Variants in SLC24A2 observed in about 807,000 individuals in gnomAD.
SLC24A2 encodes solute carrier family 24 member 2, also known as sodium/potassium/calcium exchanger 2.
SLC24A2 carries 36 observed loss-of-function variants against 62.0 expected under a neutral mutation model. The observed-to-expected ratio is 0.58, with a 90% confidence interval of 0.44 to 0.77. The LOEUF is 0.77. Ranked by LOEUF, SLC24A2 falls within the 30% of genes least tolerant of loss-of-function variation. SLC24A2 has a pLI of 0.00. For missense variants in SLC24A2, 846 were observed against 817.9 expected (o/e 1.03, Z -0.42); for synonymous variants, 358 against 294.0 (o/e 1.22, Z -2.23).
At chr9:20,228,629 G>C in the SLC24A2 span, among the ~76,000 whole-genome samples, 17,070 of 152,144 alleles carry the variant, frequency 0.11, 1,120 homozygotes, top group Middle Eastern at 0.17. Flanking sequence ...GAGAGAAGAA[G>C]GGTGAACGCC....
chr9:19,663,610 G>C (rs1167972991), intron 2 of SLC24A2, among the ~76,000 whole-genome samples: 2 of 152,162 alleles, frequency 1.3e-5, no homozygotes, highest in Admixed American at 6.5e-5. Context: ...GGCTGTCAGA[G>C]AGCAGGGGTC....
chr9:20,160,741 T>C, the SLC24A2 span, among the ~76,000 whole-genome samples: 1 of 151,142 alleles, frequency 6.6e-6, no homozygotes, highest in Non-Finnish European at 1.5e-5. Context: ...TTAGAATCTA[T>C]GGGATACATT....
At chr9:20,006,187 T>C in the SLC24A2 span, among the ~76,000 whole-genome samples, 4 of 151,646 alleles carry the variant, frequency 2.6e-5, no homozygotes, top group African/African-American at 7.2e-5. Context: ...AATATGTAAT[T>C]AAATTTAAAA....
the SLC24A2 span, among the ~76,000 whole-genome samples, chr9:20,067,960 G>A: frequency 6.6e-6 from 1 of 151,402 alleles, no homozygotes; most frequent in Non-Finnish European, 1.5e-5. Context: ...TTTTCAAACT[G>A]CTTTCCACAG....
the SLC24A2 span, among the ~76,000 whole-genome samples, chr9:20,232,712 G>A: frequency 6.6e-6 from 1 of 152,092 alleles, no homozygotes; most frequent in Non-Finnish European, 1.5e-5. Flanking sequence ...ATTTTTTGAA[G>A]GGTTTTTTGT....
At chr9:20,136,329 G>A in the SLC24A2 span, among the ~76,000 whole-genome samples, 1 of 152,146 alleles carries the variant, frequency 6.6e-6, no homozygotes, top group East Asian at 1.9e-4. Flanking sequence ...TGAGTACTAA[G>A]AGGATTCAAG....
At chr9:19,833,381 T>C in the SLC24A2 span, among the ~76,000 whole-genome samples, 1 of 152,180 alleles carries the variant, frequency 6.6e-6, no homozygotes, top group Non-Finnish European at 1.5e-5. Context: ...CCCACCCTAA[T>C]ACTGCGCTTT....
the SLC24A2 span, among the ~76,000 whole-genome samples, chr9:19,948,117 G>A: frequency 2.0e-5 from 3 of 152,170 alleles, no homozygotes; most frequent in African/African-American, 7.2e-5. Context: ...AGTGGAATGC[G>A]GGACTCTTAA....
At chr9:20,243,923 G>A in the SLC24A2 span, among the ~76,000 whole-genome samples, 1 of 152,042 alleles carries the variant, frequency 6.6e-6, no homozygotes, top group Non-Finnish European at 1.5e-5. Context: ...TTTATTGGTG[G>A]ATAGAAGGAG....
chr9:20,081,706 C>A, the SLC24A2 span, among the ~76,000 whole-genome samples: 1 of 152,090 alleles, frequency 6.6e-6, no homozygotes, highest in Non-Finnish European at 1.5e-5. Context: ...ATGAATTGTT[C>A]CCAGTGTCAC....
chr9:19,836,782 G>C, the SLC24A2 span, among the ~76,000 whole-genome samples: 1 of 151,962 alleles, frequency 6.6e-6, no homozygotes, highest in Non-Finnish European at 1.5e-5. Context: ...CCAAAAAAGA[G>C]AATTTTAGAC....
chr9:19,959,672 A>G, the SLC24A2 span, among the ~76,000 whole-genome samples: 1 of 152,234 alleles, frequency 6.6e-6, no homozygotes, highest in Non-Finnish European at 1.5e-5. Context: ...AAAACTAGAA[A>G]ATAACACTCC....
At chr9:20,061,457 T>C in the SLC24A2 span, among the ~76,000 whole-genome samples, 1 of 152,102 alleles carries the variant, frequency 6.6e-6, no homozygotes, top group Non-Finnish European at 1.5e-5. Flanking sequence ...CAGCTAATTT[T>C]TGTATTTTTA....
chr9:20,095,424 T>C, the SLC24A2 span, among the ~76,000 whole-genome samples: 2 of 152,324 alleles, frequency 1.3e-5, no homozygotes, highest in South Asian at 4.1e-4. Context: ...AATATTTAAA[T>C]AAGTAGACTG....
the SLC24A2 span, among the ~76,000 whole-genome samples, chr9:19,925,768 G>A: frequency 5.9e-5 from 9 of 152,198 alleles, no homozygotes; most frequent in Non-Finnish European, 1.0e-4. Context: ...TCTTCAAAAT[G>A]TAAGGAATGT....
chr9:19,738,112 A>G (rs1161542886), intron 2 of SLC24A2, among the ~76,000 whole-genome samples: 2 of 152,242 alleles, frequency 1.3e-5, no homozygotes, highest in Admixed American at 6.5e-5. Context: ...AGTCAATACT[A>G]TACTTCATTA....
intron 8 of SLC24A2, among the ~76,000 whole-genome samples, chr9:19,543,383 A>G (rs1479980969): frequency 8.0e-6 from 1 of 125,264 alleles, no homozygotes; most frequent in African/African-American, 2.8e-5. Context: ...CAGCTCCTGG[A>G]TTCATTGATT....
the SLC24A2 span, among the ~76,000 whole-genome samples, chr9:19,891,711 A>C: frequency 1.3e-5 from 2 of 152,148 alleles, no homozygotes; most frequent in African/African-American, 4.8e-5. Flanking sequence ...ACGCCACTGC[A>C]CTCCATCCTG....
At chr9:20,305,309 T>C in the SLC24A2 span, among the ~76,000 whole-genome samples, 1 of 152,030 alleles carries the variant, frequency 6.6e-6, no homozygotes, top group Non-Finnish European at 1.5e-5. Flanking sequence ...GGTTTCACCA[T>C]GTTGGTCAGG....
Sources: gnomAD v4.1 joint callset for allele counts (sites outside exome capture counted in the v4.1 genomes callset) on GRCh38, gnomAD v4.1.1 for gene constraint, MANE v1.5 for transcripts, NCBI Gene and HGNC (gene_info 2026-07-23, HGNC 2026-07-21) for gene names.